PDE4B: variants seen among roughly 807,000 people sequenced by gnomAD.
PDE4B encodes phosphodiesterase 4B, also known as 3',5'-cyclic-AMP phosphodiesterase 4B.
PDE4B carries 20 observed loss-of-function variants against 82.2 expected under a neutral mutation model. The observed-to-expected ratio is 0.24, with a 90% CI of 0.17 to 0.35. The LOEUF (loss-of-function observed/expected upper bound fraction) is 0.35. Among genes scored for constraint, PDE4B ranks in the 10% least tolerant of loss-of-function variants. The pLI, the probability that PDE4B is intolerant of heterozygous loss-of-function variation, is 1.00. For missense variants in PDE4B, 655 were observed against 907.2 expected (o/e 0.72, Z 3.57); for synonymous variants, 320 against 318.9 (o/e 1.00, Z -0.04).
Position 66,271,162 on chromosome 1 carries a change from G to A in PDE4B, c.634+5075G>A, listed in dbSNP as rs555050754. Among the ~76,000 whole-genome samples, 9 of 152,348 alleles carry A rather than the reference G, an allele frequency of 5.9e-5. 1 individual carries two copies. Among genetic ancestry groups the A allele is most frequent in the African/African-American group, 1.4e-4 (6 of 41,582 alleles). The stretch of plus-strand genomic sequence containing the variant: ...TTAATACCTCAGCTAAAGTGCAAAC[G>A]TTAAAATGTTTCCCTTAAGCAGATA... On this transcript the variant is annotated intron_variant, in intron 7 of 16. Coordinates refer to ENST00000341517, the MANE Select transcript of PDE4B (RefSeq NM_002600.4).
intron 6 of PDE4B, among the ~76,000 whole-genome samples, chr1:66,259,795 A>G (rs1654543408): frequency 6.6e-6 from 1 of 152,226 alleles, no homozygotes; most frequent in Non-Finnish European, 1.5e-5. Context: ...TGTTGGAGGA[A>G]AGACCACCAA....
At chr1:65,951,137 G>A (rs1280431393) in intron 3 of PDE4B, among the ~76,000 whole-genome samples, 1 of 152,012 alleles carries the variant, frequency 6.6e-6, no homozygotes, top group Non-Finnish European at 1.5e-5. Flanking sequence ...ATTCCCTACT[G>A]AGTTAACTTT....
At chr1:66,328,812 G>A (rs1364651186) in intron 7 of PDE4B, among the ~76,000 whole-genome samples, 1 of 152,208 alleles carries the variant, frequency 6.6e-6, no homozygotes, top group Non-Finnish European at 1.5e-5. Context: ...CCTCAGATGG[G>A]ACATGTTAGC....
chr1:66,024,712 G>C (rs183033887), intron 3 of PDE4B, among the ~76,000 whole-genome samples: 1 of 152,150 alleles, frequency 6.6e-6, no homozygotes, highest in Non-Finnish European at 1.5e-5. Flanking sequence ...TCAGTAAATA[G>C]ATGGATAGAT....
intron 1 of PDE4B, among the ~76,000 whole-genome samples, chr1:65,850,665 G>A (rs951915758): frequency 6.6e-6 from 1 of 152,064 alleles, no homozygotes; most frequent in Admixed American, 6.6e-5. Context: ...GTATTTGTGT[G>A]TATATGTGTG....
chr1:65,990,364 T>C (rs1448144707), intron 3 of PDE4B, among the ~76,000 whole-genome samples: 1 of 152,224 alleles, frequency 6.6e-6, no homozygotes, highest in East Asian at 1.9e-4. Context: ...ATGCTTACTA[T>C]ATTTTGGCAG....
At chr1:66,009,917 CTAT>C (rs1652379894) in intron 3 of PDE4B, among the ~76,000 whole-genome samples, 2 of 145,128 alleles carry the variant, frequency 1.4e-5, no homozygotes, top group Admixed American at 6.7e-5. Context: ...ATCTATCTAT[CTAT>C]CTATCTATCT....
At chr1:66,256,805 A>G (rs1654267293) in intron 4 of PDE4B, among the ~76,000 whole-genome samples, 1 of 152,206 alleles carries the variant, frequency 6.6e-6, no homozygotes, top group African/African-American at 2.4e-5. Flanking sequence ...GTTCACTGTT[A>G]CTAATTTCTG....
At chr1:66,212,521 T>C (rs909761519) in intron 3 of PDE4B, among the ~76,000 whole-genome samples, 1 of 152,174 alleles carries the variant, frequency 6.6e-6, no homozygotes, top group African/African-American at 2.4e-5. Flanking sequence ...GAACTCCTGA[T>C]CTACACTACT....
At chr1:65,999,074 T>C (rs77305869) in intron 3 of PDE4B, among the ~76,000 whole-genome samples, 1 of 152,192 alleles carries the variant, frequency 6.6e-6, no homozygotes, top group Non-Finnish European at 1.5e-5. Flanking sequence ...AAAAGGGCTT[T>C]GCAAAGTAAT....
At chr1:66,094,529 T>C (rs553327212) in intron 3 of PDE4B, 1 of 152,142 alleles carries the variant, frequency 6.6e-6, no homozygotes, top group Non-Finnish European at 1.5e-5. Context: ...GGCTATGATA[T>C]TGCTACTGTG....
At position 66,189,592 on chromosome 1, in the gene PDE4B, G is replaced by A. The variant is rs529735974; in HGVS notation, c.282-57868G>A. Among the ~76,000 whole-genome samples the A allele has an allele frequency of 2.6e-4, 39 of 151,942 alleles. No individual in the cohort carries two copies. In the South Asian group the frequency reaches 3.7e-3, roughly 15 times the overall value. ...CTTCATTTCATTCATTTGATCTTCCGTCATTGATACCCTCTCTTCCAGTTG... is the reference window on the plus strand; with the variant it reads ...CTTCATTTCATTCATTTGATCTTCCATCATTGATACCCTCTCTTCCAGTTG... On this transcript the variant is annotated intron_variant, in intron 3 of 16. Coordinates refer to ENST00000341517, the MANE Select transcript of PDE4B (RefSeq NM_002600.4).
At chr1:65,926,282 G>A (rs1216929649) in intron 3 of PDE4B, among the ~76,000 whole-genome samples, 3 of 152,134 alleles carry the variant, frequency 2.0e-5, no homozygotes, top group Admixed American at 1.3e-4. Flanking sequence ...TAAGATGATA[G>A]TTTTCCTTAT....
At chr1:66,286,521 C>T (rs921132305) in intron 7 of PDE4B, among the ~76,000 whole-genome samples, 6 of 152,062 alleles carry the variant, frequency 3.9e-5, no homozygotes, top group African/African-American at 9.7e-5. Context: ...ATCCACATTC[C>T]CCAAAACAAA....
chr1:66,236,263 C>T (rs925616644), intron 3 of PDE4B, among the ~76,000 whole-genome samples: 4 of 151,820 alleles, frequency 2.6e-5, no homozygotes, highest in South Asian at 4.2e-4. Flanking sequence ...AATATTTTAC[C>T]GCTTTATCTA....
intron 3 of PDE4B, among the ~76,000 whole-genome samples, chr1:65,987,947 T>C (rs1041606346): frequency 6.6e-6 from 1 of 152,226 alleles, no homozygotes; most frequent in Non-Finnish European, 1.5e-5. Context: ...AAAATGGGTA[T>C]AATAATTTAC....
At chr1:65,990,253 G>C (rs1651173223) in intron 3 of PDE4B, among the ~76,000 whole-genome samples, 1 of 151,964 alleles carries the variant, frequency 6.6e-6, no homozygotes, top group South Asian at 2.1e-4. Context: ...ACTGCTTTAG[G>C]TAAGTTTATG....
chr1:66,166,102 A>G (rs1171796315), intron 3 of PDE4B, among the ~76,000 whole-genome samples: 1 of 152,218 alleles, frequency 6.6e-6, no homozygotes, highest in Non-Finnish European at 1.5e-5. Context: ...TAATCAATCT[A>G]TTTTTGACCA....
intron 7 of PDE4B, among the ~76,000 whole-genome samples, chr1:66,289,705 T>C: frequency 3.1e-5 from 1 of 32,042 alleles, no homozygotes; most frequent in African/African-American, 8.4e-5. Flanking sequence ...GAGAAAATGT[T>C]ATATATATAT....
Sources: allele counts gnomAD v4.1 joint callset (sites outside exome capture counted in the v4.1 genomes callset), GRCh38; gene constraint gnomAD v4.1.1; transcripts MANE v1.5; gene names NCBI Gene and HGNC (gene_info 2026-07-23, HGNC 2026-07-21).